The following KIF11 variants were observed in gnomAD, a reference collection of about 807,000 sequenced individuals.
KIF11 encodes the protein kinesin-like protein KIF11.
Under a neutral mutation model 121.0 loss-of-function variants are expected in KIF11, and 9 were observed. That is an observed-to-expected ratio of 0.07 (90% CI 0.04 to 0.13). KIF11 has a LOEUF of 0.13. Ranked by LOEUF, KIF11 falls within the 10% of genes least tolerant of loss-of-function variation. KIF11 has a pLI of 1.00. For missense variants in KIF11, 846 were observed against 1,217.5 expected (o/e 0.69, Z 4.54); for synonymous variants, 408 against 421.0 (o/e 0.97, Z 0.38).
chr10:92,637,122 G>A, intron 14 of KIF11, 62 bp from the exon 15 acceptor site: 1 of 1,275,476 alleles, frequency 7.8e-7, no homozygotes. Flanking sequence ...ATATCATTTA[G>A]AAAGGTTTAC....
chr10:92,649,588 C>T (rs562866368), intron 19 of KIF11, among the ~76,000 whole-genome samples: 1 of 152,152 alleles, frequency 6.6e-6, no homozygotes, highest in Non-Finnish European at 1.5e-5. Context: ...TTTATATATC[C>T]TCAGAGATGG....
Position 92,593,371 on chromosome 10 carries a change from C to G in KIF11, c.-5C>G, listed in dbSNP as rs1844253130. On this transcript the variant is annotated 5_prime_UTR_variant, in exon 1 of 22. Coordinates refer to ENST00000260731, the MANE Select transcript of KIF11 (RefSeq NM_004523.4). ...CCGGGCCTTGATTTTTTGGCGGGGA[C>G]CGTCATGGCGTCGCAGCCAAATTCG... The G allele has an allele frequency of 1.9e-6, 3 of 1,605,632 alleles. No homozygotes were observed. The highest frequency in any genetic ancestry group is 2.5e-6 in the Non-Finnish European group (3 of 1,176,816).
rs1844790980 is a variant in KIF11 at position 92,635,982 on chromosome 10, C to T, written c.1876-1202C>T. 2.7e-5 allele frequency among the ~76,000 whole-genome samples: 4 copies of T among 150,772 alleles called. No individual in the cohort carries two copies. The South Asian group carries it at 8.3e-4, about 31-fold the overall frequency. On this transcript the variant is annotated intron_variant, in intron 14 of 21. Coordinates refer to ENST00000260731, the MANE Select transcript of KIF11 (RefSeq NM_004523.4). ...TTATACTTCCTCAGCCCTATCCTAC[C>T]AAAAGGAGATTAGATCAGGATTTTT...
intron 16 of KIF11, among the ~76,000 whole-genome samples, chr10:92,638,925 CT>C (rs1173582917): frequency 3.9e-5 from 6 of 152,176 alleles, no homozygotes; most frequent in African/African-American, 1.4e-4. Flanking sequence ...TTCAGCTCTT[CT>C]TTGGTCATTA....
rs1243108509 is a variant in KIF11 at position 92,655,076 on chromosome 10, C to A, written c.*1280C>A. 6.6e-6 allele frequency: 1 copy of A among 152,540 alleles called. No homozygotes were observed. Among genetic ancestry groups the A allele is most frequent in the African/African-American group, 2.4e-5 (1 of 41,404 alleles). The allele number at this position is 152,540 out of a possible 1,614,324, so 9.4% of individuals were successfully genotyped here. On this transcript the variant is annotated 3_prime_UTR_variant, in exon 22 of 22. Coordinates refer to ENST00000260731, the MANE Select transcript of KIF11 (RefSeq NM_004523.4). ...GACTCTGGTATTTTTGATCTGGCAA[C>A]CATATTTCTGGAAGTTGAGATGTTT...
chr10:92,636,773 C>T (rs1217551320), intron 14 of KIF11, among the ~76,000 whole-genome samples: 1 of 150,962 alleles, frequency 6.6e-6, no homozygotes, highest in Non-Finnish European at 1.5e-5. Flanking sequence ...TGGCTCACGC[C>T]TGTAATCTCA....
At chr10:92,641,629 G>T (rs10882096) in intron 17 of KIF11, among the ~76,000 whole-genome samples, 47,108 of 151,966 alleles carry the variant, frequency 0.31, 8,251 homozygotes, top group East Asian at 0.68. Context: ...CTTATATTTC[G>T]TTGAGTTTAT....
intron 17 of KIF11, among the ~76,000 whole-genome samples, chr10:92,643,081 T>G (rs1381880546): frequency 1.3e-5 from 2 of 152,162 alleles, no homozygotes; most frequent in East Asian, 3.9e-4. Context: ...CCAGCTAATT[T>G]TTAAATTTTT....
At chr10:92,601,207 C>A (rs565845370) in intron 1 of KIF11, among the ~76,000 whole-genome samples, 84 of 135,010 alleles carry the variant, frequency 6.2e-4, no homozygotes, top group African/African-American at 2.3e-3. Flanking sequence ...TATTTTTCTT[C>A]CTTTTTTTTT....
chr10:92,649,497 T>C (rs540000461), intron 19 of KIF11, among the ~76,000 whole-genome samples: 13 of 152,302 alleles, frequency 8.5e-5, no homozygotes, highest in East Asian at 7.7e-4. Flanking sequence ...AAAGTAATCA[T>C]GTTGGGAAAT....
intron 14 of KIF11, among the ~76,000 whole-genome samples, chr10:92,636,958 A>G (rs1844808355): frequency 6.8e-6 from 1 of 147,378 alleles, no homozygotes; most frequent in Non-Finnish European, 1.5e-5. Flanking sequence ...ACTTGAACCC[A>G]GGAGGCAGAG....
chr10:92,599,551 C>T (rs563607760), intron 1 of KIF11, among the ~76,000 whole-genome samples: 93 of 149,244 alleles, frequency 6.2e-4, no homozygotes, highest in Non-Finnish European at 1.2e-3. Context: ...AAAAAAGAAA[C>T]GTCGCTGGAT....
At chr10:92,615,296 C>G (rs1357683341) in intron 8 of KIF11, among the ~76,000 whole-genome samples, 4 of 152,032 alleles carry the variant, frequency 2.6e-5, no homozygotes, top group Admixed American at 2.6e-4. Context: ...ATCCCAACTA[C>G]TCAGGAGGCT....
At chr10:92,593,516 G>A in intron 1 of KIF11, 64 bp downstream of exon 1, 1 of 1,409,702 alleles carries the variant, frequency 7.1e-7, no homozygotes. Context: ...CTACTGCGCG[G>A]TCCAGGGAGA....
chr10:92,602,790 T>G (rs1844385019), intron 1 of KIF11, among the ~76,000 whole-genome samples: 1 of 150,038 alleles, frequency 6.7e-6, no homozygotes, highest in Non-Finnish European at 1.5e-5. Context: ...GTGATGTCTT[T>G]GAACCCTGGT....
At chr10:92,609,328 G>T in intron 5 of KIF11, 57 bp from the exon 6 acceptor site, 2 of 1,569,262 alleles carry the variant, frequency 1.3e-6, no homozygotes, top group Non-Finnish European at 1.7e-6. Flanking sequence ...GTGTGTGTGT[G>T]TGTGTGTGTG....
At chr10:92,630,867 CAAAAAA>C (rs58123701) in intron 12 of KIF11, among the ~76,000 whole-genome samples, 10 of 100,030 alleles carry the variant, frequency 1.0e-4, no homozygotes, top group East Asian at 2.8e-4. Flanking sequence ...AACTCCGTCT[CAAAAAA>C]AAAAAAAAAA....
At chr10:92,598,402 C>T (rs183404206) in intron 1 of KIF11, among the ~76,000 whole-genome samples, 7 of 152,244 alleles carry the variant, frequency 4.6e-5, no homozygotes, top group East Asian at 1.9e-4. Context: ...ATCATTTGCT[C>T]ATATGTAAGA....
At chr10:92,619,110 G>A (rs370543870) in intron 9 of KIF11, among the ~76,000 whole-genome samples, 14 of 152,066 alleles carry the variant, frequency 9.2e-5, no homozygotes, top group African/African-American at 2.9e-4. Context: ...TCCGCCTCCC[G>A]GGTTCAAGCG....
Sources: gnomAD v4.1 joint callset for allele counts (sites outside exome capture counted in the v4.1 genomes callset) on GRCh38, gnomAD v4.1.1 for gene constraint, MANE v1.5 for transcripts, NCBI Gene and HGNC (gene_info 2026-07-23, HGNC 2026-07-21) for gene names.